ARL9: variants seen among roughly 807,000 people sequenced by gnomAD.
ARL9 encodes the protein ADP-ribosylation factor-like protein 9.
ARL9 carries 14 observed loss-of-function variants against 27.0 expected under a neutral mutation model. The ratio of observed to expected loss-of-function variants is 0.52; its 90% confidence interval spans 0.34 to 0.81. The LOEUF (loss-of-function observed/expected upper bound fraction) is 0.81. ARL9 is among the 30% of genes least tolerant of loss of function. The probability of loss-of-function intolerance (pLI) is 0.01; values close to 1 mark genes in which losing one functional copy is unlikely to be tolerated. For missense variants in ARL9, 294 were observed against 290.0 expected (o/e 1.01, Z -0.10); for synonymous variants, 106 against 108.7 (o/e 0.98, Z 0.15).
chr4:56,518,605 C>T (rs1406496361), intron 2 of ARL9, 73 bp from the exon 3 acceptor site: 2 of 1,339,514 alleles, frequency 1.5e-6, no homozygotes, highest in East Asian at 2.3e-5. Context: ...CTAGATGTGC[C>T]CTCCCTGCTC....
chr4:56,515,537 C>T (rs890118585), intron 2 of ARL9, among the ~76,000 whole-genome samples: 6 of 151,812 alleles, frequency 4.0e-5, no homozygotes, highest in African/African-American at 7.3e-5. Flanking sequence ...AAATAAAAGG[C>T]GTAAGAATTA....
chr4:56,518,537 C>G, intron 2 of ARL9, 141 bp from the exon 3 acceptor site: 1 of 703,736 alleles, frequency 1.4e-6, no homozygotes. Flanking sequence ...ACTCTGAGGA[C>G]TGGGTACACT....
chr4:56,512,859 A>G (rs1721674326), intron 2 of ARL9, among the ~76,000 whole-genome samples: 1 of 151,958 alleles, frequency 6.6e-6, no homozygotes, highest in Non-Finnish European at 1.5e-5. Flanking sequence ...CATTCTTTCT[A>G]AGTATGTTCC....
intron 1 of ARL9, among the ~76,000 whole-genome samples, chr4:56,507,655 G>A (rs575296984): frequency 2.6e-5 from 4 of 150,988 alleles, no homozygotes; most frequent in African/African-American, 9.7e-5. Flanking sequence ...TAGGGCCTAA[G>A]ATGACATTAG....
intron 2 of ARL9, among the ~76,000 whole-genome samples, chr4:56,512,373 C>A (rs1016851042): frequency 2.0e-5 from 3 of 152,032 alleles, no homozygotes; most frequent in African/African-American, 7.2e-5. Flanking sequence ...TCCTCCCTAA[C>A]CTTACCTCAC....
At chr4:56,506,234 C>G in intron 1 of ARL9, 93 bp downstream of exon 1, 1 of 1,186,006 alleles carries the variant, frequency 8.4e-7, no homozygotes, top group South Asian at 4.3e-5. Flanking sequence ...AGGCCCCCGA[C>G]CGCGTGGGAG....
chr4:56,505,752 C>CG, upstream of ARL9: 1 of 1,395,746 alleles, frequency 7.2e-7, no homozygotes, highest in Non-Finnish European at 9.3e-7. Context: ...GTCTACGCCG[C>CG]GGGGCCTACG....
At chr4:56,505,278 A>G (rs968950937), upstream of ARL9, 1 of 405,018 alleles carries the variant, frequency 2.5e-6, no homozygotes, top group African/African-American at 2.1e-5. Flanking sequence ...AGACACTCCT[A>G]GCGGAGTTTA....
At chr4:56,505,556 CG>C (rs1272338252), upstream of ARL9, 3 of 570,624 alleles carry the variant, frequency 5.3e-6, no homozygotes, top group Non-Finnish European at 9.9e-6. Context: ...TATACCCCGC[CG>C]AACTGTCCCA....
At chr4:56,507,986 C>A (rs1252207262) in intron 1 of ARL9, among the ~76,000 whole-genome samples, 2 of 147,902 alleles carry the variant, frequency 1.4e-5, no homozygotes, top group Non-Finnish European at 3.0e-5. Flanking sequence ...AAAAAAAATT[C>A]TCCCAATCAA....
At chr4:56,506,944 G>A (rs1721483932) in intron 1 of ARL9, among the ~76,000 whole-genome samples, 1 of 151,880 alleles carries the variant, frequency 6.6e-6, no homozygotes, top group Non-Finnish European at 1.5e-5. Context: ...ACAGGCACAC[G>A]CCACCATGTC....
At chr4:56,512,532 ATCAT>A (rs1721665571) in intron 2 of ARL9, among the ~76,000 whole-genome samples, 1 of 145,510 alleles carries the variant, frequency 6.9e-6, no homozygotes, top group Non-Finnish European at 1.5e-5. Flanking sequence ...CACAAAATCA[ATCAT>A]TCTTTTTTTT....
At chr4:56,518,944 A>G (rs1000146355) in intron 3 of ARL9, 91 bp downstream of exon 3, 49 of 1,212,260 alleles carry the variant, frequency 4.0e-5, no homozygotes, top group African/African-American at 6.1e-5. Context: ...ACAATATGCT[A>G]TATATTTAAC....
Position 56,523,737 on chromosome 4 carries a change from C to G in ARL9, c.659C>G (p.Ala220Gly). 2 of 1,613,918 alleles carry G rather than the reference C, an allele frequency of 1.2e-6. No homozygotes were observed. Among genetic ancestry groups the G allele is most frequent in the Non-Finnish European group, 1.7e-6 (2 of 1,179,828 alleles). Residue 220 changes from alanine to glycine, a missense_variant, in exon 4 of 4, where the codon GCT (alanine) becomes GGT (glycine). Coordinates refer to ENST00000640821, the MANE Select transcript of ARL9 (RefSeq NM_001363794.2). ...AAYHITDIHE[A>G]LALSEVGNDR... ...TATCACATTACAGATATCCATGAAG[C>G]TTTGGCATTATCTGAAGTGGGAAAT...
At chr4:56,506,221 C>T in intron 1 of ARL9, 80 bp downstream of exon 1, 1 of 1,217,130 alleles carries the variant, frequency 8.2e-7, no homozygotes, top group Non-Finnish European at 1.0e-6. Flanking sequence ...TCTGTTACGT[C>T]GGAGGCCCCC....
chr4:56,521,796 C>T (rs1216362520), intron 3 of ARL9, among the ~76,000 whole-genome samples: 1 of 152,102 alleles, frequency 6.6e-6, no homozygotes, highest in Non-Finnish European at 1.5e-5. Flanking sequence ...TTCCCAAATT[C>T]CTACTAGGGT....
chr4:56,513,933 G>A (rs991919336), intron 2 of ARL9, among the ~76,000 whole-genome samples: 2 of 152,150 alleles, frequency 1.3e-5, no homozygotes, highest in African/African-American at 4.8e-5. Flanking sequence ...ACTTTGAGAG[G>A]CCGGGGCAGG....
intron 1 of ARL9, among the ~76,000 whole-genome samples, chr4:56,507,618 G>A (rs945233814): frequency 1.3e-5 from 2 of 151,284 alleles, no homozygotes; most frequent in African/African-American, 2.4e-5. Context: ...CCCGGCCTGG[G>A]AACTGCTTTT....
At chr4:56,515,001 G>A (rs552299012) in intron 2 of ARL9, among the ~76,000 whole-genome samples, 72 of 152,212 alleles carry the variant, frequency 4.7e-4, no homozygotes, top group African/African-American at 1.6e-3. Flanking sequence ...TGTAACTCCA[G>A]CACTTTGGGA....
Sources: allele counts gnomAD v4.1 joint callset (sites outside exome capture counted in the v4.1 genomes callset), GRCh38; gene constraint gnomAD v4.1.1; transcripts MANE v1.5; gene names NCBI Gene and HGNC (gene_info 2026-07-23, HGNC 2026-07-21).